Variants in NRG1 observed in about 807,000 individuals in gnomAD.
The protein encoded by NRG1 is pro-neuregulin-1, membrane-bound isoform.
NRG1 carries 18 observed loss-of-function variants against 63.8 expected under a neutral mutation model. The ratio of observed to expected loss-of-function variants is 0.28; its 90% CI spans 0.19 to 0.42. The LOEUF (loss-of-function observed/expected upper bound fraction) is 0.42. Among genes scored for constraint, NRG1 ranks in the 10% least tolerant of loss-of-function variants. The probability of loss-of-function intolerance (pLI) is 1.00; values close to 1 mark genes in which losing one functional copy is unlikely to be tolerated. For synonymous variants in NRG1, 302 were observed against 301.3 expected (o/e 1.00, Z -0.02); for missense variants, 762 against 814.7 (o/e 0.94, Z 0.79).
At chr8:32,597,680 A>G (rs1843606930) in intron 2 of NRG1, among the ~76,000 whole-genome samples, 1 of 152,146 alleles carries the variant, frequency 6.6e-6, no homozygotes, top group Non-Finnish European at 1.5e-5. Flanking sequence ...AAGTCATATA[A>G]CTAGTAAGAG....
At chr8:32,466,361 A>G (rs1823062847) in intron 1 of NRG1, among the ~76,000 whole-genome samples, 2 of 141,396 alleles carry the variant, frequency 1.4e-5, no homozygotes, top group Non-Finnish European at 3.0e-5. Context: ...AATAAATATT[A>G]CCTTGACATC....
intron 1 of NRG1, among the ~76,000 whole-genome samples, chr8:32,173,602 C>T (rs7460069): frequency 1.3e-5 from 2 of 151,744 alleles, no homozygotes; most frequent in African/African-American, 2.4e-5. Context: ...ACCCATCTCA[C>T]GTGCAGAGAC....
chr8:31,877,548 T>C (rs1217420335), intron 1 of NRG1, among the ~76,000 whole-genome samples: 3 of 152,098 alleles, frequency 2.0e-5, no homozygotes, highest in Admixed American at 1.3e-4. Flanking sequence ...TTTACATATA[T>C]ATTTTAATGC....
At chr8:31,813,516 C>CTTTTTTTTTTT (rs377718067) in intron 1 of NRG1, among the ~76,000 whole-genome samples, 29 of 101,216 alleles carry the variant, frequency 2.9e-4, no homozygotes, top group African/African-American at 4.8e-4. Flanking sequence ...CTTTTCTTTT[C>CTTTTTTTTTTT]TTTTTTTTTT....
chr8:31,692,159 T>C (rs536804999), intron 1 of NRG1, among the ~76,000 whole-genome samples: 5 of 152,324 alleles, frequency 3.3e-5, no homozygotes, highest in East Asian at 1.9e-4. Context: ...TACTGGAGAA[T>C]AGCAACACTA....
intron 1 of NRG1, among the ~76,000 whole-genome samples, chr8:32,096,605 C>T (rs932116875): frequency 6.6e-6 from 1 of 152,084 alleles, no homozygotes; most frequent in African/African-American, 2.4e-5. Flanking sequence ...TGGTGAAGGC[C>T]ACAGGCCACT....
At chr8:31,769,617 A>T (rs1818417569) in intron 1 of NRG1, among the ~76,000 whole-genome samples, 2 of 152,192 alleles carry the variant, frequency 1.3e-5, no homozygotes, top group African/African-American at 4.8e-5. Context: ...GGAATCTGTG[A>T]TGTTGAGGAT....
intron 1 of NRG1, among the ~76,000 whole-genome samples, chr8:31,905,904 A>G (rs112559051): frequency 0.022 from 3,400 of 152,344 alleles, 119 homozygotes; most frequent in African/African-American, 0.076. Flanking sequence ...CAGAGAAAAT[A>G]TAATTTGTCT....
At chr8:32,138,567 T>C (rs1160339592) in intron 1 of NRG1, among the ~76,000 whole-genome samples, 1 of 151,840 alleles carries the variant, frequency 6.6e-6, no homozygotes, top group Admixed American at 6.6e-5. Flanking sequence ...TCACAGCGAT[T>C]TCTTTTTTTT....
At chr8:31,827,081 AGAATTATAT>A (rs1343954394) in intron 1 of NRG1, among the ~76,000 whole-genome samples, 1 of 152,082 alleles carries the variant, frequency 6.6e-6, no homozygotes, top group Non-Finnish European at 1.5e-5. Flanking sequence ...GCTCTTTGCT[AGAATTATAT>A]TTTGTTTTTT....
At chr8:31,860,501 A>G (rs777441247) in intron 1 of NRG1, among the ~76,000 whole-genome samples, 1 of 152,120 alleles carries the variant, frequency 6.6e-6, no homozygotes, top group African/African-American at 2.4e-5. Context: ...GTGCCATTTA[A>G]CCAGGCAACA....
intron 1 of NRG1, among the ~76,000 whole-genome samples, chr8:32,149,703 C>T (rs548440332): frequency 6.6e-6 from 1 of 152,226 alleles, no homozygotes; most frequent in South Asian, 2.1e-4. Context: ...GTAAAATGGC[C>T]ACTATCTGTC....
At chr8:32,497,086 T>G (rs1376637925) in intron 1 of NRG1, among the ~76,000 whole-genome samples, 5 of 152,202 alleles carry the variant, frequency 3.3e-5, no homozygotes, top group African/African-American at 9.6e-5. Flanking sequence ...ATACTAATAA[T>G]TTTTAACTCT....
intron 1 of NRG1, among the ~76,000 whole-genome samples, chr8:32,120,756 C>T (rs1447608906): frequency 2.0e-5 from 3 of 152,034 alleles, no homozygotes; most frequent in African/African-American, 7.2e-5. Context: ...TGGTTGTCAC[C>T]TGCCTAACCA....
upstream of NRG1, among the ~76,000 whole-genome samples, chr8:32,543,459 T>C (rs1044369072): frequency 2.0e-5 from 3 of 152,162 alleles, no homozygotes; most frequent in Non-Finnish European, 4.4e-5. Flanking sequence ...ATTCTTCTTA[T>C]AAGAAATTCA....
chr8:32,649,202 G>A (rs556297527), intron 5 of NRG1, among the ~76,000 whole-genome samples: 111 of 145,926 alleles, frequency 7.6e-4, no homozygotes, highest in African/African-American at 7.4e-4. Flanking sequence ...TCTTAGTCTG[G>A]CAGATTGCAG....
At chr8:32,027,689 A>G (rs1243200993) in intron 1 of NRG1, among the ~76,000 whole-genome samples, 3 of 152,112 alleles carry the variant, frequency 2.0e-5, no homozygotes, top group Non-Finnish European at 4.4e-5. Flanking sequence ...TCTGTAATCT[A>G]TGGGAATACT....
intron 1 of NRG1, among the ~76,000 whole-genome samples, chr8:32,222,900 G>A (rs1262769344): frequency 6.6e-6 from 1 of 152,116 alleles, no homozygotes; most frequent in East Asian, 1.9e-4. Flanking sequence ...CCATTTTGCC[G>A]GTGACAGCAC....
At chr8:32,726,706 G>A (rs1400656452) in intron 5 of NRG1, among the ~76,000 whole-genome samples, 1 of 152,120 alleles carries the variant, frequency 6.6e-6, no homozygotes. Flanking sequence ...ACAACAAAAT[G>A]TAGACTTTCG....
Sources: gnomAD v4.1 joint callset for allele counts (sites outside exome capture counted in the v4.1 genomes callset) on GRCh38, gnomAD v4.1.1 for gene constraint, MANE v1.5 for transcripts, NCBI Gene and HGNC (gene_info 2026-07-23, HGNC 2026-07-21) for gene names.